The following BCAR1 variants were observed in gnomAD, a reference collection of about 807,000 sequenced individuals.
The protein encoded by BCAR1 is BCAR1 scaffold protein, Cas family member.
In BCAR1, 30 loss-of-function variants were observed where a neutral mutation model predicts 67.6. The observed-to-expected ratio is 0.44, with a 90% CI of 0.33 to 0.60. The LOEUF (loss-of-function observed/expected upper bound fraction) is 0.60, where lower values mean the gene tolerates loss of function less well. Ranked by LOEUF, BCAR1 falls within the 20% of genes least tolerant of loss-of-function variation. The pLI, the probability that BCAR1 is intolerant of heterozygous loss-of-function variation, is 0.02. For missense variants in BCAR1, 1,313 were observed against 1,222.3 expected, an observed-to-expected ratio of 1.07 and a Z score of -1.11; for synonymous variants, 626 against 556.7, an observed-to-expected ratio of 1.12 and a Z score of -1.75.
intron 1 of BCAR1, 147 bp downstream of exon 1, chr16:75,251,323 AG>A: frequency 1.8e-6 from 2 of 1,110,008 alleles, no homozygotes; most frequent in South Asian, 1.9e-5. Flanking sequence ...CTTCCCGGCC[AG>A]GGCAGAAGGA....
At chr16:75,252,875 G>A (rs1326042611), upstream of BCAR1, among the ~76,000 whole-genome samples, 2 of 152,164 alleles carry the variant, frequency 1.3e-5, no homozygotes, top group African/African-American at 4.8e-5. Context: ...AAGGGGCTAG[G>A]ACAGCCCATG....
intron 1 of BCAR1, among the ~76,000 whole-genome samples, chr16:75,258,391 G>A (rs2077827533): frequency 6.6e-6 from 1 of 152,230 alleles, no homozygotes. Context: ...GTAGGAAGTG[G>A]CTGGTTGCAG....
chr16:75,248,608 C>T (rs548422572), intron 1 of BCAR1: 71 of 180,266 alleles, frequency 3.9e-4, no homozygotes, highest in African/African-American at 1.7e-3. Flanking sequence ...CCCTAATACT[C>T]CCACAACAAC....
intron 2 of BCAR1, among the ~76,000 whole-genome samples, chr16:75,239,771 G>C (rs949332313): frequency 1.3e-5 from 2 of 152,124 alleles, no homozygotes; most frequent in Non-Finnish European, 2.9e-5. Flanking sequence ...ACCATAGCCC[G>C]CTCCCCTCCC....
chr16:75,236,060 C>T, intron 4 of BCAR1, 74 bp from the exon 5 acceptor site: 2 of 1,367,858 alleles, frequency 1.5e-6, no homozygotes, highest in Non-Finnish European at 1.9e-6. Flanking sequence ...CAGCACCCAG[C>T]CACACACACA....
rs2076786369 is a variant in BCAR1, at chr16:75,228,660, G to C, written c.*851C>G. On this transcript the variant is annotated 3_prime_UTR_variant, in exon 7 of 7. Coordinates refer to ENST00000162330, the MANE Select transcript of BCAR1 (RefSeq NM_014567.5). The stretch of plus-strand genomic sequence containing the variant: ...CAGGAACCCGTCCCCTTGTGCAGCT[G>C]TTCCTGCCCCAATCTGCCCTCACTC... The C allele has an allele frequency of 6.6e-6, 1 of 152,360 alleles. No homozygotes were observed. The highest frequency in any genetic ancestry group is 1.5e-5 in the Non-Finnish European group (1 of 68,120). 9.4% of individuals were successfully genotyped at this position (152,360 alleles called of 1,614,324 possible).
At chr16:75,261,451 C>A (rs1227774054) in intron 1 of BCAR1, among the ~76,000 whole-genome samples, 1 of 152,254 alleles carries the variant, frequency 6.6e-6, no homozygotes, top group Non-Finnish European at 1.5e-5. Context: ...AACCAGCCTC[C>A]CTCAGAGGCC....
intron 2 of BCAR1, chr16:75,237,981 G>T: frequency 8.0e-7 from 1 of 1,247,950 alleles, no homozygotes; most frequent in Non-Finnish European, 1.0e-6. Context: ...TGCCGCGCCT[G>T]CCCCGGGGGA....
At chr16:75,254,628 G>T (rs1465611943), upstream of BCAR1, among the ~76,000 whole-genome samples, 1 of 152,224 alleles carries the variant, frequency 6.6e-6, no homozygotes, top group Non-Finnish European at 1.5e-5. Flanking sequence ...GAGACGCCCT[G>T]AATAAGGAGG....
chr16:75,243,001 C>T lies in BCAR1; in HGVS notation c.102G>A (p.Glu34=). Reference sequence around the variant, plus strand: ...AGCCGTCCAGGCCCTGCGTGTCCTGCTCCAGCACCGTCATGATGTCACCCT... The same window carrying T: ...AGCCGTCCAGGCCCTGCGTGTCCTGTTCCAGCACCGTCATGATGTCACCCT... ...FRKGDIMTVL[E]QDTQGLDGWW... The change falls in exon 2 of 7, where the codon GAG becomes GAA. Residue 34 remains glutamate, a synonymous_variant. Coordinates refer to ENST00000162330, the MANE Select transcript of BCAR1 (RefSeq NM_014567.5). 2 of 1,613,564 alleles carry T rather than the reference C, an allele frequency of 1.2e-6. No individual in the cohort carries two copies. The highest frequency in any genetic ancestry group is 2.7e-5 in the African/African-American group (2 of 75,050).
chr16:75,265,656 T>C (rs2077992729), intron 1 of BCAR1, among the ~76,000 whole-genome samples: 1 of 151,724 alleles, frequency 6.6e-6, no homozygotes. Context: ...AGAGGCCGGC[T>C]TGGGGGAGCC....
chr16:75,234,821 A>T, intron 5 of BCAR1, 68 bp downstream of exon 5: 1 of 1,505,866 alleles, frequency 6.6e-7, no homozygotes, highest in Admixed American at 2.3e-5. Context: ...GCTGAGAACA[A>T]ATCTCCCCCT....
chr16:75,258,594 T>A (rs917644330), intron 1 of BCAR1, among the ~76,000 whole-genome samples: 29 of 151,936 alleles, frequency 1.9e-4, no homozygotes, highest in African/African-American at 7.0e-4. Flanking sequence ...GAGGCTGTTC[T>A]ACACAAGGTG....
intron 1 of BCAR1, chr16:75,250,766 G>A (rs2077656407): frequency 1.0e-6 from 1 of 985,536 alleles, no homozygotes; most frequent in Non-Finnish European, 1.2e-6. Flanking sequence ...AAGCCTTCAT[G>A]TCCACACTGC....
upstream of BCAR1, among the ~76,000 whole-genome samples, chr16:75,255,567 G>C (rs1473970499): frequency 6.6e-6 from 1 of 152,070 alleles, no homozygotes; most frequent in African/African-American, 2.4e-5. Context: ...GTGGTGGCGG[G>C]CACCTGTAAT....
chr16:75,237,466 G>A lies in BCAR1; in HGVS notation c.634-122C>T, dbSNP rs912347216. 1.6e-5 allele frequency: 20 copies of A among 1,227,900 alleles called. No homozygotes were observed. In the African/African-American group the frequency reaches 2.4e-4, roughly 15 times the overall value. The allele number at this position is 1,227,900 out of a possible 1,614,324, so 76.1% of individuals were successfully genotyped here. The stretch of plus-strand genomic sequence containing the variant: ...GGGCACACCAGGTGGAAGGGACGGG[G>A]CTCCCCAAGGATGCCAGTTCTCACC... On this transcript the variant is annotated intron_variant, in intron 2 of 6. Coordinates refer to ENST00000162330, the MANE Select transcript of BCAR1 (RefSeq NM_014567.5).
chr16:75,263,038 A>G (rs1380552812), intron 1 of BCAR1, among the ~76,000 whole-genome samples: 1 of 151,952 alleles, frequency 6.6e-6, no homozygotes, highest in African/African-American at 2.4e-5. Context: ...CTCACTGGCC[A>G]GGTGACCCTG....
chr16:75,264,692 G>C, intron 1 of BCAR1: 1 of 1,232,990 alleles, frequency 8.1e-7, no homozygotes. Flanking sequence ...GCTTCCCTCT[G>C]GTCATCTGCA....
At position 75,229,396 on chromosome 16, in the gene BCAR1, C is replaced by A. The variant is rs573256135; in HGVS notation, c.*115G>T. 31 of 1,383,238 alleles carry A rather than the reference C, an allele frequency of 2.2e-5. No individual in the cohort carries two copies. In the African/African-American group the frequency reaches 2.5e-4, roughly 11 times the overall value. 85.7% of individuals were successfully genotyped at this position (1,383,238 alleles called of 1,614,324 possible). On this transcript the variant is annotated 3_prime_UTR_variant, in exon 7 of 7. Transcript: ENST00000162330. ...TCCTGGGCATCCAGGGCACCAGGAC[C>A]GACGCAGAGCTGGGGTCCTGTCCCT...
Sources: gnomAD v4.1 joint callset for allele counts (sites outside exome capture counted in the v4.1 genomes callset) on GRCh38, gnomAD v4.1.1 for gene constraint, MANE v1.5 for transcripts, NCBI Gene and HGNC (gene_info 2026-07-23, HGNC 2026-07-21) for gene names.